TCFL5: variants seen among roughly 807,000 people sequenced by gnomAD.
TCFL5 encodes the protein transcription factor-like 5 protein.
Under a neutral mutation model 44.3 loss-of-function variants are expected in TCFL5, and 9 were observed. That is an observed-to-expected ratio of 0.20 (90% confidence interval 0.12 to 0.35). The LOEUF is 0.35. Ranked by LOEUF, TCFL5 falls within the 10% of genes least tolerant of loss-of-function variation. TCFL5 has a pLI of 1.00. For synonymous variants in TCFL5, 319 were observed against 271.6 expected (o/e 1.17, Z -1.72); for missense variants, 603 against 613.4 (o/e 0.98, Z 0.18).
rs1294581081 is a variant in TCFL5 at position 62,861,362 on chromosome 20, C to A, written c.309G>T (p.Ala103=). The A allele has an allele frequency of 1.1e-5, 12 of 1,065,882 alleles. No homozygotes were observed. The African/African-American group carries it at 1.2e-4, about 11-fold the overall frequency. The allele number at this position is 1,065,882 out of a possible 1,614,324, so 66.0% of individuals were successfully genotyped here. A position where few individuals can be genotyped will look rare whatever the true frequency, so the allele number is the denominator to read the frequency against. ...GFAAGGQGGA[A]PVYPVLCPSA... The stretch of plus-strand genomic sequence containing the variant: ...ACGGGCACAGCACGGGGTACACGGG[C>A]GCCGCGCCCCCCTGACCGCCCGCCG... The change falls in exon 1 of 6, where the codon GCG becomes GCT. Residue 103 remains alanine, a synonymous_variant. Coordinates refer to ENST00000335351, the MANE Select transcript of TCFL5 (RefSeq NM_006602.4). This position sits in a 1 kb window ranked among gnomAD's most constrained non-coding sequence, Gnocchi z 4.0.
chr20:62,841,737 C>A lies in TCFL5; in HGVS notation c.*238G>T. On this transcript the variant is annotated 3_prime_UTR_variant, in exon 6 of 6. Transcript: ENST00000335351. ...ACTAATTATTACTAATTAATTATTACTAATTATTAAGATGGCTTCATCCCC... is the reference window on the plus strand; with the variant it reads ...ACTAATTATTACTAATTAATTATTAATAATTATTAAGATGGCTTCATCCCC... The A allele has an allele frequency of 3.1e-6, 1 of 322,408 alleles. No individual in the cohort carries two copies. 20.0% of individuals were successfully genotyped at this position (322,408 alleles called of 1,614,324 possible). A position where few individuals can be genotyped will look rare whatever the true frequency, so the allele number is the denominator to read the frequency against.
At chr20:62,844,820 T>G in intron 5 of TCFL5, 2 of 946,414 alleles carry the variant, frequency 2.1e-6, no homozygotes, top group South Asian at 9.8e-5. Context: ...GGTCTCAAAC[T>G]CCTGACCTCA....
chr20:62,844,582 G>GTTTTTTTT (rs745684819), intron 5 of TCFL5, among the ~76,000 whole-genome samples: 3 of 120,562 alleles, frequency 2.5e-5, no homozygotes, highest in African/African-American at 1.1e-4. Context: ...TTTGTTTTTT[G>GTTTTTTTT]TTTTTTTTTT....
intron 5 of TCFL5, chr20:62,846,246 TCA>T (rs2063741335): frequency 3.6e-6 from 2 of 552,768 alleles, no homozygotes; most frequent in East Asian, 6.8e-5. Context: ...TGAACTATTT[TCA>T]CACAGTGATG....
chr20:62,846,767 A>G (rs1284753328), intron 5 of TCFL5, among the ~76,000 whole-genome samples: 10 of 74,156 alleles, frequency 1.3e-4, no homozygotes, highest in Admixed American at 2.5e-4. Flanking sequence ...CCTCGCTGGG[A>G]AAAAAAAAAA....
chr20:62,854,218 G>A, intron 4 of TCFL5, 61 bp from the exon 5 acceptor site: 1 of 1,592,206 alleles, frequency 6.3e-7, no homozygotes, highest in South Asian at 1.1e-5. Context: ...CATGTAAAAG[G>A]AAGCGTCTCC....
chr20:62,842,278 A>T lies in TCFL5; in HGVS notation c.1381-181T>A, dbSNP rs2063687756. Among the ~76,000 whole-genome samples, 1 of 138,586 alleles carries T rather than the reference A, an allele frequency of 7.2e-6. No individual in the cohort carries two copies. Among genetic ancestry groups the T allele is most frequent in the African/African-American group, 2.8e-5 (1 of 36,052 alleles). 90.9% of individuals were successfully genotyped at this position (138,586 alleles called of 152,430 possible). On this transcript the variant is annotated intron_variant, in intron 5 of 5. Transcript: ENST00000335351. This position sits in a 1 kb window ranked among gnomAD's most constrained non-coding sequence, Gnocchi z 4.3. ...GGGATTTATATAATAAACAGATTTT[A>T]ACTTTTTTTTTTTCAAATAGCAGTT...
intron 2 of TCFL5, 73 bp from the exon 3 acceptor site, chr20:62,859,599 G>T: frequency 2.9e-6 from 4 of 1,402,574 alleles, no homozygotes; most frequent in Admixed American, 2.4e-5. Context: ...CAAATGAAAT[G>T]CACTTAACAA....
At chr20:62,847,871 G>T (rs904223285) in intron 5 of TCFL5, among the ~76,000 whole-genome samples, 1 of 152,226 alleles carries the variant, frequency 6.6e-6, no homozygotes, top group Non-Finnish European at 1.5e-5. Flanking sequence ...TTAGCTGGGC[G>T]TGGTGGCGTG....
intron 5 of TCFL5, among the ~76,000 whole-genome samples, chr20:62,846,967 C>T (rs2063752246): frequency 6.6e-6 from 1 of 151,908 alleles, no homozygotes; most frequent in African/African-American, 2.4e-5. Context: ...GGTGGATCAC[C>T]TGAGGTCGGG....
intron 3 of TCFL5, among the ~76,000 whole-genome samples, chr20:62,858,508 G>C (rs908511886): frequency 6.6e-6 from 1 of 152,240 alleles, no homozygotes; most frequent in African/African-American, 2.4e-5. Context: ...AGGAAGGACT[G>C]ACATGGGAGA....
At chr20:62,851,530 AAC>A (rs2063809683) in intron 5 of TCFL5, 1 of 985,304 alleles carries the variant, frequency 1.0e-6, no homozygotes, top group African/African-American at 1.7e-5. Flanking sequence ...AAAACAAATC[AAC>A]AGTCTACCTC....
At chr20:62,859,647 G>C in intron 2 of TCFL5, 121 bp from the exon 3 acceptor site, 1 of 865,920 alleles carries the variant, frequency 1.2e-6, no homozygotes, top group Non-Finnish European at 1.7e-6. Context: ...AAGAACTTTA[G>C]TTGCACTGAA....
At chr20:62,856,010 G>C (rs1399593406) in intron 4 of TCFL5, among the ~76,000 whole-genome samples, 2 of 152,008 alleles carry the variant, frequency 1.3e-5, no homozygotes, top group African/African-American at 4.8e-5. Flanking sequence ...CAGCACTTTA[G>C]GAGGCCGAGG....
Position 62,841,895 on chromosome 20 carries a change from A to T in TCFL5, c.*80T>A. The T allele has an allele frequency of 6.4e-7, 1 of 1,551,780 alleles. No individual in the cohort carries two copies. Among genetic ancestry groups the T allele is most frequent in the South Asian group, 1.2e-5 (1 of 85,218 alleles). On this transcript the variant is annotated 3_prime_UTR_variant, in exon 6 of 6. Transcript: ENST00000335351. Reference sequence around the variant, plus strand: ...CCTTTTCGAGTCAGACTAGCCGAGCAGAGCTCCAGGGTTGCAGAAGGCGTG... The same window carrying T: ...CCTTTTCGAGTCAGACTAGCCGAGCTGAGCTCCAGGGTTGCAGAAGGCGTG...
Position 62,850,395 on chromosome 20 carries a change from GCT to G in TCFL5, c.1380+3619_1380+3620del, listed in dbSNP as rs2063792295. ...GACGCCCCCAGAATGCCGAGATCCT[GCT>G]TCTCTGAGTCTTCCCTCTCAGTAAA... On this transcript the variant is annotated intron_variant, in intron 5 of 5. Coordinates refer to ENST00000335351, the MANE Select transcript of TCFL5 (RefSeq NM_006602.4). Among the ~76,000 whole-genome samples, 4 of 151,578 alleles carry G rather than the reference GCT, an allele frequency of 2.6e-5. 1 individual carries two copies. The South Asian group carries it at 8.4e-4, about 32-fold the overall frequency.
intron 5 of TCFL5, chr20:62,845,587 C>G (rs759543778): frequency 1.3e-6 from 2 of 1,537,662 alleles, no homozygotes; most frequent in Admixed American, 4.1e-5. Context: ...GAGCCTGGGC[C>G]GGCTCCGGAG....
intron 5 of TCFL5, among the ~76,000 whole-genome samples, chr20:62,851,192 G>T (rs1400092428): frequency 2.0e-5 from 3 of 152,162 alleles, no homozygotes; most frequent in Admixed American, 2.0e-4. Context: ...ATGTGTTTCG[G>T]CTTTTTATGT....
At chr20:62,856,265 A>G (rs78449494) in intron 4 of TCFL5, among the ~76,000 whole-genome samples, 16,799 of 149,808 alleles carry the variant, frequency 0.11, 1,188 homozygotes, top group African/African-American at 0.19. Context: ...AAAAAAAAAA[A>G]AAAAAGAAAA....
Sources: gnomAD v4.1 joint callset for allele counts (sites outside exome capture counted in the v4.1 genomes callset) on GRCh38, gnomAD v4.1.1 for gene constraint, Gnocchi (gnomAD v3.1) non-coding constraint, MANE v1.5 for transcripts, NCBI Gene and HGNC (gene_info 2026-07-23, HGNC 2026-07-21) for gene names.